The following FCHO2 variants were observed in gnomAD, a reference collection of about 807,000 sequenced individuals.
FCHO2 encodes the protein F-BAR domain only protein 2.
Under a neutral mutation model 114.1 loss-of-function variants are expected in FCHO2, and 43 were observed. That is an observed-to-expected ratio of 0.38 (90% confidence interval 0.30 to 0.49). The LOEUF (loss-of-function observed/expected upper bound fraction) is 0.49. Among genes scored for constraint, FCHO2 ranks in the 20% least tolerant of loss-of-function variants. FCHO2 has a pLI of 0.97. For missense variants in FCHO2, 807 were observed against 950.4 expected (o/e 0.85, Z 1.98); for synonymous variants, 293 against 315.2 (o/e 0.93, Z 0.75).
chr5:72,963,902 GTTTTTTTTTTT>G (rs70973214), intron 1 of FCHO2, among the ~76,000 whole-genome samples: 70 of 95,718 alleles, frequency 7.3e-4, no homozygotes, highest in African/African-American at 2.7e-3. Flanking sequence ...GGAACTTTCA[GTTTTTTTTTTT>G]TTTTTTTTTT....
intron 23 of FCHO2, among the ~76,000 whole-genome samples, chr5:73,082,259 T>C (rs1561498663): frequency 1.6e-5 from 1 of 62,514 alleles, no homozygotes; most frequent in South Asian, 4.6e-4. Flanking sequence ...TCTCTAAACT[T>C]CTTTTTTTTT....
chr5:73,082,736 CT>C (rs2112894938), intron 23 of FCHO2, 24 bp from the exon 24 acceptor site: 1 of 1,586,832 alleles, frequency 6.3e-7, no homozygotes, highest in East Asian at 2.3e-5. Context: ...GACACAAAAC[CT>C]GAAGATATCT....
At chr5:72,996,869 GC>G in intron 5 of FCHO2, 2 of 1,401,334 alleles carry the variant, frequency 1.4e-6, no homozygotes, top group Non-Finnish European at 9.7e-7. Context: ...TGCCACGGGG[GC>G]CCCCGGGGCC....
At chr5:72,976,111 T>C (rs1311647377) in intron 2 of FCHO2, among the ~76,000 whole-genome samples, 2 of 152,222 alleles carry the variant, frequency 1.3e-5, no homozygotes, top group Admixed American at 6.5e-5. Flanking sequence ...AGAGTTCTTA[T>C]TGCCCCACAT....
At position 73,004,281 on chromosome 5, in the gene FCHO2, C is replaced by T. The variant is rs149922521; in HGVS notation, c.496-2164C>T. The stretch of plus-strand genomic sequence containing the variant: ...AAGGTACTTGGTAAACTATCCATTT[C>T]ATTTAGCTGTTACGTATTTGAACAG... On this transcript the variant is annotated intron_variant, in intron 5 of 25. Transcript: ENST00000430046. Among the ~76,000 whole-genome samples the T allele has an allele frequency of 8.5e-3, 1,298 of 152,150 alleles. 8 individuals carry two copies. The highest frequency in any genetic ancestry group is 0.012 in the Non-Finnish European group (845 of 68,002).
intron 8 of FCHO2, among the ~76,000 whole-genome samples, chr5:73,019,664 C>A (rs1755503958): frequency 1.3e-5 from 2 of 152,098 alleles, no homozygotes; most frequent in Admixed American, 1.3e-4. Context: ...AAAAACATTC[C>A]AGTGCACGTA....
At chr5:72,966,310 T>C (rs946790068) in intron 1 of FCHO2, among the ~76,000 whole-genome samples, 1 of 152,208 alleles carries the variant, frequency 6.6e-6, no homozygotes, top group Non-Finnish European at 1.5e-5. Context: ...AGGAGAAGTT[T>C]CAAACCCTTA....
At chr5:72,970,233 G>C (rs1259840111) in intron 2 of FCHO2, among the ~76,000 whole-genome samples, 1 of 152,112 alleles carries the variant, frequency 6.6e-6, no homozygotes, top group Non-Finnish European at 1.5e-5. Context: ...TATTGTTCTA[G>C]GCTCTATGCT....
chr5:73,025,990 A>G (rs906273293), intron 8 of FCHO2, among the ~76,000 whole-genome samples: 17 of 152,266 alleles, frequency 1.1e-4, no homozygotes, highest in Admixed American at 2.6e-4. Context: ...AAAAGATCCA[A>G]TTCTTTTAAA....
At chr5:72,956,628 C>G (rs554131062) in intron 1 of FCHO2, among the ~76,000 whole-genome samples, 1 of 152,260 alleles carries the variant, frequency 6.6e-6, no homozygotes, top group Non-Finnish European at 1.5e-5. Context: ...AAATCCAGTG[C>G]GGGGTTGGGC....
intron 6 of FCHO2, among the ~76,000 whole-genome samples, chr5:73,010,316 T>C (rs917058079): frequency 6.6e-6 from 1 of 152,208 alleles, no homozygotes; most frequent in African/African-American, 2.4e-5. Flanking sequence ...TGACTTTTTA[T>C]GCTCATGCTT....
chr5:73,038,861 T>C (rs888293896), intron 10 of FCHO2, among the ~76,000 whole-genome samples: 17 of 152,194 alleles, frequency 1.1e-4, no homozygotes, highest in Non-Finnish European at 2.1e-4. Flanking sequence ...ATCAATTGAT[T>C]AGTAAGTAAA....
intron 5 of FCHO2, among the ~76,000 whole-genome samples, chr5:72,998,058 T>A (rs1215856975): frequency 6.0e-5 from 9 of 150,212 alleles, no homozygotes; most frequent in Non-Finnish European, 5.9e-5. Context: ...AAAAAAAAAA[T>A]GCTATTTATA....
chr5:73,087,842 C>T (rs1047663396), intron 25 of FCHO2, 89 bp downstream of exon 25: 4 of 1,498,050 alleles, frequency 2.7e-6, no homozygotes, highest in Non-Finnish European at 8.9e-7. Context: ...AATTTATAAT[C>T]TAAAGACATG....
chr5:73,019,679 T>C (rs1755506086), intron 8 of FCHO2, among the ~76,000 whole-genome samples: 1 of 152,188 alleles, frequency 6.6e-6, no homozygotes, highest in Non-Finnish European at 1.5e-5. Context: ...CACGTAACAC[T>C]AAGTCATAAA....
At position 73,087,479 on chromosome 5, in the gene FCHO2, C is replaced by G. The variant is rs551121686; in HGVS notation, c.2246-110C>G. ...ATAATAGTTTGTTTACTGTGCACAT[C>G]TAATGAATGTAGCACAGGACTGATG... On this transcript the variant is annotated intron_variant, in intron 24 of 25. Coordinates refer to ENST00000430046, the MANE Select transcript of FCHO2 (RefSeq NM_138782.3). 4.1e-6 allele frequency: 5 copies of G among 1,216,206 alleles called. No individual in the cohort carries two copies. The African/African-American group carries it at 7.6e-5, about 19-fold the overall frequency. The allele number at this position is 1,216,206 out of a possible 1,614,324, so 75.3% of individuals were successfully genotyped here. A position where few individuals can be genotyped will look rare whatever the true frequency, so the allele number is the denominator to read the frequency against.
intron 11 of FCHO2, among the ~76,000 whole-genome samples, chr5:73,043,919 T>A (rs1218489246): frequency 6.6e-6 from 1 of 152,164 alleles, no homozygotes; most frequent in African/African-American, 2.4e-5. Flanking sequence ...GATTTGTGTC[T>A]CTGCCCAAAT....
rs1188665126 is a variant in FCHO2 at position 73,034,613 on chromosome 5, A to G, written c.797-44A>G. On this transcript the variant is annotated intron_variant, in intron 8 of 25. Coordinates refer to ENST00000430046, the MANE Select transcript of FCHO2 (RefSeq NM_138782.3). ...AAAAAAAAGTTTTAAAATTTACCTA[A>G]TAGTTTTTTTCTACTAGAAGTTTTT... The G allele has an allele frequency of 4.7e-6, 7 of 1,493,634 alleles. No individual in the cohort carries two copies. The African/African-American group carries it at 5.7e-5, about 12-fold the overall frequency. The allele number at this position is 1,493,634 out of a possible 1,614,324, so 92.5% of individuals were successfully genotyped here. A position where few individuals can be genotyped will look rare whatever the true frequency, so the allele number is the denominator to read the frequency against.
chr5:72,979,548 C>T (rs917349719), intron 2 of FCHO2, among the ~76,000 whole-genome samples: 7 of 150,000 alleles, frequency 4.7e-5, no homozygotes, highest in East Asian at 1.9e-4. Context: ...CCCGCTACCA[C>T]GCCCGGCTAA....
Sources: gnomAD v4.1 joint callset for allele counts (sites outside exome capture counted in the v4.1 genomes callset) on GRCh38, gnomAD v4.1.1 for gene constraint, MANE v1.5 for transcripts, NCBI Gene and HGNC (gene_info 2026-07-23, HGNC 2026-07-21) for gene names.